The following KHDRBS3 variants were observed in gnomAD, a reference collection of about 807,000 sequenced individuals.
The protein encoded by KHDRBS3 is KH domain-containing, RNA-binding, signal transduction-associated protein 3.
A neutral mutation model predicts 45.6 loss-of-function variants in KHDRBS3; 23 were observed. The ratio of observed to expected loss-of-function variants is 0.50; its 90% CI spans 0.36 to 0.72. KHDRBS3 has a LOEUF of 0.72. Among genes scored for constraint, KHDRBS3 ranks in the 30% least tolerant of loss-of-function variants. The pLI is 0.00. For synonymous variants in KHDRBS3, 162 were observed against 156.5 expected (o/e 1.04, Z -0.26); for missense variants, 352 against 424.8 (o/e 0.83, Z 1.51).
At chr8:135,578,777 A>G (rs1464147353) in intron 5 of KHDRBS3, among the ~76,000 whole-genome samples, 1 of 152,208 alleles carries the variant, frequency 6.6e-6, no homozygotes, top group Non-Finnish European at 1.5e-5. Context: ...GATTTTGATT[A>G]GGATTGCATT....
chr8:135,555,635 T>C (rs1022732986), intron 4 of KHDRBS3, among the ~76,000 whole-genome samples: 1 of 152,204 alleles, frequency 6.6e-6, no homozygotes, highest in East Asian at 1.9e-4. Flanking sequence ...TTTCTAGTTA[T>C]TGCAGTACCA....
intron 2 of KHDRBS3, among the ~76,000 whole-genome samples, chr8:135,533,575 G>A (rs1825587488): frequency 6.6e-6 from 1 of 152,138 alleles, no homozygotes; most frequent in Non-Finnish European, 1.5e-5. Flanking sequence ...ACTTAAGACT[G>A]TGGAATATTT....
At chr8:135,563,503 T>C (rs1432928991) in intron 5 of KHDRBS3, among the ~76,000 whole-genome samples, 1 of 152,212 alleles carries the variant, frequency 6.6e-6, no homozygotes, top group Non-Finnish European at 1.5e-5. Context: ...GTAGTATCAT[T>C]GGTCAAGCCA....
chr8:135,530,156 A>T (rs1040945527), intron 2 of KHDRBS3, among the ~76,000 whole-genome samples: 1 of 152,206 alleles, frequency 6.6e-6, no homozygotes, highest in Admixed American at 6.5e-5. Context: ...CATAGAGGAT[A>T]TATCTCTATG....
At chr8:135,535,856 A>C (rs768554693) in intron 2 of KHDRBS3, among the ~76,000 whole-genome samples, 1 of 152,162 alleles carries the variant, frequency 6.6e-6, no homozygotes, top group Non-Finnish European at 1.5e-5. Context: ...CCCTGCTTCT[A>C]AGATGGTGCC....
chr8:135,457,830 C>T lies in KHDRBS3; in HGVS notation c.-37C>T, dbSNP rs1459200326. The T allele has an allele frequency of 8.9e-6, 13 of 1,461,268 alleles. 1 individual carries two copies. Among genetic ancestry groups the T allele is most frequent in the South Asian group, 1.2e-5 (1 of 80,080 alleles). 90.5% of individuals were successfully genotyped at this position (1,461,268 alleles called of 1,614,324 possible). A position where few individuals can be genotyped will look rare whatever the true frequency, so the allele number is the denominator to read the frequency against. On this transcript the variant is annotated 5_prime_UTR_variant, in exon 1 of 9. Coordinates refer to ENST00000355849, the MANE Select transcript of KHDRBS3 (RefSeq NM_006558.3). This position sits in a 1 kb window ranked among gnomAD's most constrained non-coding sequence, Gnocchi z 4.4. ...GTTGCCGGGCGCCGCCCCCCGTGCG[C>T]CTGGAGTCCACATCCCGGGCCCGGC...
chr8:135,515,824 C>A (rs1040397957), intron 1 of KHDRBS3, among the ~76,000 whole-genome samples: 3 of 152,130 alleles, frequency 2.0e-5, no homozygotes, highest in African/African-American at 7.2e-5. Flanking sequence ...TAAAGCAGTG[C>A]AAAAAGAGAT....
At chr8:135,638,718 G>A (rs1489480593) in intron 7 of KHDRBS3, among the ~76,000 whole-genome samples, 1 of 152,218 alleles carries the variant, frequency 6.6e-6, no homozygotes, top group African/African-American at 2.4e-5. Flanking sequence ...GGGAGGCCCA[G>A]GCAGGCACAT....
At chr8:135,542,560 G>C in intron 2 of KHDRBS3, 94 bp from the exon 3 acceptor site, 1 of 742,940 alleles carries the variant, frequency 1.3e-6, no homozygotes, top group African/African-American at 1.8e-5. Flanking sequence ...ATTAATCAAT[G>C]ATGTGTAGCA....
chr8:135,508,732 T>G (rs1466570460), intron 1 of KHDRBS3, among the ~76,000 whole-genome samples: 1 of 152,200 alleles, frequency 6.6e-6, no homozygotes, highest in African/African-American at 2.4e-5. Flanking sequence ...GTCTGTGGAC[T>G]TACTATTTAT....
chr8:135,536,262 T>TTTTTTTTTTA (rs1491256544), intron 2 of KHDRBS3, among the ~76,000 whole-genome samples: 22 of 98,832 alleles, frequency 2.2e-4, no homozygotes, highest in African/African-American at 6.1e-4. Context: ...TTTTTTTTTT[T>TTTTTTTTTTA]ATTATTGTTT....
chr8:135,592,183 GA>G (rs560429499), intron 6 of KHDRBS3, among the ~76,000 whole-genome samples: 184 of 152,154 alleles, frequency 1.2e-3, no homozygotes, highest in Non-Finnish European at 2.3e-3. Flanking sequence ...CTTATTTTAG[GA>G]ATGTAAGACT....
At chr8:135,623,261 T>G (rs910169475) in intron 7 of KHDRBS3, among the ~76,000 whole-genome samples, 8 of 152,260 alleles carry the variant, frequency 5.3e-5, no homozygotes, top group African/African-American at 1.9e-4. Flanking sequence ...CTTAGTTTTC[T>G]TGTTAGCGTT....
chr8:135,597,093 A>G (rs1365123979), intron 6 of KHDRBS3, among the ~76,000 whole-genome samples: 1 of 152,184 alleles, frequency 6.6e-6, no homozygotes, highest in Non-Finnish European at 1.5e-5. Flanking sequence ...GTATTCTCAC[A>G]TTTTTGGAGG....
intron 3 of KHDRBS3, among the ~76,000 whole-genome samples, chr8:135,545,944 C>G (rs1187088878): frequency 1.3e-5 from 2 of 152,102 alleles, no homozygotes; most frequent in Non-Finnish European, 2.9e-5. Context: ...TCGAGACCAG[C>G]CTGGCCAACA....
chr8:135,601,567 A>G (rs1191285664), intron 6 of KHDRBS3, among the ~76,000 whole-genome samples: 2 of 152,218 alleles, frequency 1.3e-5, no homozygotes, highest in Non-Finnish European at 2.9e-5. Context: ...TCTGACATGT[A>G]GACTGGGGCT....
intron 5 of KHDRBS3, among the ~76,000 whole-genome samples, chr8:135,561,919 C>T (rs761576056): frequency 4.6e-5 from 7 of 151,682 alleles, no homozygotes; most frequent in Non-Finnish European, 7.4e-5. Context: ...AAAATATTTT[C>T]GTACAGATTC....
chr8:135,460,707 C>T (rs1821385709), intron 1 of KHDRBS3, among the ~76,000 whole-genome samples: 1 of 152,158 alleles, frequency 6.6e-6, no homozygotes, highest in South Asian at 2.1e-4. Context: ...CTGCACTTGC[C>T]TTCTTTGAAG....
exon 5 of KHDRBS3, chr8:135,656,373 TG>T (rs1172928931): frequency 1.3e-5 from 2 of 152,228 alleles, no homozygotes; most frequent in Admixed American, 1.3e-4. Context: ...TTTTATTATA[TG>T]GTATGCTTTT....
Sources: gnomAD v4.1 joint callset for allele counts (sites outside exome capture counted in the v4.1 genomes callset) on GRCh38, gnomAD v4.1.1 for gene constraint, Gnocchi (gnomAD v3.1) non-coding constraint, MANE v1.5 for transcripts, NCBI Gene and HGNC (gene_info 2026-07-23, HGNC 2026-07-21) for gene names.